The following HEXB variants were observed in gnomAD, a reference collection of about 807,000 sequenced individuals.
HEXB encodes beta-hexosaminidase subunit beta.
In HEXB, 51 loss-of-function variants were observed where a neutral mutation model predicts 71.2. The observed-to-expected ratio is 0.72, with a 90% confidence interval of 0.57 to 0.90. The LOEUF is 0.90. HEXB is among the 40% of genes least tolerant of loss of function. HEXB has a pLI of 0.00. For synonymous variants in HEXB, 266 were observed against 249.3 expected (o/e 1.07, Z -0.63); for missense variants, 617 against 677.0 (o/e 0.91, Z 0.98).
rs1748127679 is a variant in HEXB at position 74,652,285 on chromosome 5, C to G, written c.-377+11727C>G. Among the ~76,000 whole-genome samples the G allele has an allele frequency of 6.6e-6, 1 of 152,162 alleles. No homozygotes were observed. The highest frequency in any genetic ancestry group is 2.4e-5 in the African/African-American group (1 of 41,434). On this transcript the variant is annotated intron_variant, in intron 1 of 13. Transcript: ENST00000511181. This position sits in a 1 kb window ranked among gnomAD's most constrained non-coding sequence, Gnocchi z 5.4. ...GGGCAATGATGCGTTTGAACTTGTG[C>G]AAGAATCCAGTTATTAAATGGCAGA...
At chr5:74,713,781 A>G (rs1375063718) in intron 7 of HEXB, 146 bp downstream of exon 7, 4 of 705,556 alleles carry the variant, frequency 5.7e-6, no homozygotes, top group African/African-American at 1.8e-5. Flanking sequence ...CTCCTGCCTC[A>G]GCTTCCTGAG....
intron 1 of HEXB, among the ~76,000 whole-genome samples, chr5:74,658,343 A>C (rs1369408151): frequency 1.3e-5 from 2 of 152,214 alleles, no homozygotes; most frequent in Non-Finnish European, 2.9e-5. Context: ...TAAAAAGCAA[A>C]GCATTCTGCA....
chr5:74,646,741 G>T (rs1410485308), intron 1 of HEXB, among the ~76,000 whole-genome samples: 1 of 151,392 alleles, frequency 6.6e-6, no homozygotes, highest in African/African-American at 2.4e-5. Context: ...CTAATTTTTT[G>T]TGTTTTTAGT....
At position 74,660,840 on chromosome 5, in the gene HEXB, C is replaced by T. The variant is rs115464380; in HGVS notation, c.-377+20282C>T. ...CCCTGGGGATACACAAATTGCCATT[C>T]GAGAAGAACCAAGCTAAGCCAGAGA... On this transcript the variant is annotated intron_variant, in intron 1 of 13. Transcript: ENST00000511181. Among the ~76,000 whole-genome samples, 266 of 152,172 alleles carry T rather than the reference C, an allele frequency of 1.7e-3. 1 individual carries two copies. Among genetic ancestry groups the T allele is most frequent in the African/African-American group, 5.8e-3 (242 of 41,510 alleles).
intron 7 of HEXB, 122 bp from the exon 8 acceptor site, chr5:74,715,388 G>A (rs750584778): frequency 4.2e-6 from 3 of 712,610 alleles, no homozygotes; most frequent in Non-Finnish European, 7.3e-6. Flanking sequence ...TAGTAAACAT[G>A]TTCATCTTTT....
At chr5:74,676,081 A>G (rs1748625735) in intron 1 of HEXB, among the ~76,000 whole-genome samples, 1 of 152,236 alleles carries the variant, frequency 6.6e-6, no homozygotes, top group Non-Finnish European at 1.5e-5. Context: ...TTTTCTCTGA[A>G]TTGAGCTATA....
Position 74,661,551 on chromosome 5 carries a change from GTGTGTGTGTGTGTCTC to G in HEXB, c.-377+20995_-377+21010del, listed in dbSNP as rs1415396515. Among the ~76,000 whole-genome samples the G allele has an allele frequency of 4.7e-3, 300 of 63,620 alleles. 3 individuals carry two copies. Among genetic ancestry groups the G allele is most frequent in the African/African-American group, 0.025 (289 of 11,348 alleles). 41.7% of individuals were successfully genotyped at this position (63,620 alleles called of 152,430 possible). A position where few individuals can be genotyped will look rare whatever the true frequency, so the allele number is the denominator to read the frequency against. ...TGTGTGTGTGTGTGTGTGTGTGTGT[GTGTGTGTGTGTGTCTC>G]TCTCTCTCTCTCTCTCTTTCATCTT... On this transcript the variant is annotated intron_variant, in intron 1 of 13. Coordinates refer to the HEXB transcript ENST00000511181.
intron 6 of HEXB, among the ~76,000 whole-genome samples, chr5:74,709,682 A>C (rs998897805): frequency 1.3e-5 from 2 of 152,236 alleles, no homozygotes; most frequent in African/African-American, 4.8e-5. Flanking sequence ...TAAACTAGAA[A>C]ATCTAGAAGA....
intron 5 of HEXB, among the ~76,000 whole-genome samples, chr5:74,700,334 G>A (rs1749233388): frequency 6.6e-6 from 1 of 151,614 alleles, no homozygotes; most frequent in Admixed American, 6.6e-5. Context: ...TGTTTATTTT[G>A]TCGTCTAGAA....
chr5:74,713,713 G>C, intron 7 of HEXB, 78 bp downstream of exon 7: 1 of 1,188,126 alleles, frequency 8.4e-7, no homozygotes, highest in Non-Finnish European at 1.2e-6. Flanking sequence ...ACCCAGGCTG[G>C]AGTGCAGTAG....
chr5:74,690,305 GAC>G (rs1215749040), intron 2 of HEXB, among the ~76,000 whole-genome samples: 1 of 152,114 alleles, frequency 6.6e-6, no homozygotes, highest in African/African-American at 2.4e-5. Flanking sequence ...GCAGTATAAG[GAC>G]ATGTGTAATA....
At chr5:74,668,099 T>G (rs1580368339) in intron 1 of HEXB, among the ~76,000 whole-genome samples, 1 of 152,268 alleles carries the variant, frequency 6.6e-6, no homozygotes, top group East Asian at 1.9e-4. Flanking sequence ...TTGTGATCCA[T>G]TTGGAGACTG....
At chr5:74,699,066 T>A (rs1426469140) in intron 5 of HEXB, among the ~76,000 whole-genome samples, 1 of 151,936 alleles carries the variant, frequency 6.6e-6, no homozygotes, top group African/African-American at 2.4e-5. Context: ...ACGCCTGTAA[T>A]TCCAGCTACT....
intron 1 of HEXB, among the ~76,000 whole-genome samples, chr5:74,653,138 T>C (rs1418615620): frequency 6.6e-6 from 1 of 152,200 alleles, no homozygotes; most frequent in Admixed American, 6.5e-5. Flanking sequence ...TACACACACA[T>C]GCAGAGTCAT....
At chr5:74,675,104 G>T (rs900636485) in intron 1 of HEXB, among the ~76,000 whole-genome samples, 15 of 152,154 alleles carry the variant, frequency 9.9e-5, no homozygotes, top group African/African-American at 3.4e-4. Context: ...TCTGAATATT[G>T]CAAAGACAGC....
intron 1 of HEXB, among the ~76,000 whole-genome samples, chr5:74,664,430 T>TTAAAAAAAAAAAAAAAAAA (rs768901546): frequency 1.3e-4 from 10 of 79,642 alleles, no homozygotes; most frequent in Non-Finnish European, 2.2e-4. Flanking sequence ...ATTCTATCTC[T>TTAAAAAAAAAAAAAAAAAA]AAAAAAAAAA....
intron 1 of HEXB, among the ~76,000 whole-genome samples, chr5:74,676,415 C>T (rs552084391): frequency 6.6e-6 from 1 of 152,310 alleles, no homozygotes; most frequent in Non-Finnish European, 1.5e-5. Context: ...GACTGAAGTG[C>T]CAGTCCAAAG....
intron 1 of HEXB, among the ~76,000 whole-genome samples, chr5:74,674,330 G>T (rs573483432): frequency 1.3e-5 from 2 of 151,976 alleles, no homozygotes; most frequent in African/African-American, 2.4e-5. Context: ...TCAGCCAGGC[G>T]TGGTGGCTCA....
intron 5 of HEXB, among the ~76,000 whole-genome samples, chr5:74,699,447 G>C (rs971796116): frequency 1.3e-5 from 2 of 151,666 alleles, no homozygotes; most frequent in African/African-American, 2.4e-5. Context: ...GCTAATTTTT[G>C]TATTTTTAGT....
Sources: allele counts gnomAD v4.1 joint callset (sites outside exome capture counted in the v4.1 genomes callset), GRCh38; gene constraint gnomAD v4.1.1; non-coding constraint Gnocchi (gnomAD v3.1); transcripts MANE v1.5; gene names NCBI Gene and HGNC (gene_info 2026-07-23, HGNC 2026-07-21).